Variants in ALOXE3 observed in about 807,000 individuals in gnomAD.
ALOXE3 encodes hydroperoxide isomerase ALOXE3.
In ALOXE3, 78 loss-of-function variants were observed where a neutral mutation model predicts 87.5. The ratio of observed to expected loss-of-function variants is 0.89; its 90% CI spans 0.74 to 1.08. The LOEUF is 1.08. ALOXE3 is among the 50% of genes least tolerant of loss of function. The pLI is 0.00. For synonymous variants in ALOXE3, 363 were observed against 370.8 expected (o/e 0.98, Z 0.24); for missense variants, 946 against 912.4 (o/e 1.04, Z -0.47).
intron 8 of ALOXE3, among the ~76,000 whole-genome samples, chr17:8,111,048 G>T (rs144437358): frequency 6.6e-6 from 1 of 152,124 alleles, no homozygotes; most frequent in Non-Finnish European, 1.5e-5. Context: ...CTTTCCTCTA[G>T]GCCTCAGCAC....
upstream of ALOXE3, chr17:8,118,733 C>A: frequency 1.3e-6 from 2 of 1,537,290 alleles, no homozygotes; most frequent in South Asian, 1.2e-5. Flanking sequence ...GTCAGGAAAG[C>A]GAAATACAGC....
At chr17:8,117,446 G>A (rs1193539067) in intron 2 of ALOXE3, among the ~76,000 whole-genome samples, 1 of 152,212 alleles carries the variant, frequency 6.6e-6, no homozygotes, top group Non-Finnish European at 1.5e-5. Flanking sequence ...AGGTGCCCGA[G>A]CACAGTGGGC....
Position 8,115,065 on chromosome 17 carries a change from G to A in ALOXE3, c.435-8C>T. 1 of 1,614,152 alleles carries A rather than the reference G, an allele frequency of 6.2e-7. No individual in the cohort carries two copies. Among genetic ancestry groups the A allele is most frequent in the South Asian group, 1.1e-5 (1 of 91,076 alleles). On this transcript the variant is annotated splice_polypyrimidine_tract_variant and splice_region_variant and intron_variant, in intron 4 of 15. Transcript: ENST00000448843. ...GGGGCATAGATCTTCCAGCTTCCGA[G>A]GGAAAGAGGTCAGAGGTGGCAGGTC...
At chr17:8,109,579 G>A (rs1452213947) in intron 11 of ALOXE3, among the ~76,000 whole-genome samples, 3 of 152,138 alleles carry the variant, frequency 2.0e-5, no homozygotes, top group Non-Finnish European at 2.9e-5. Context: ...ACTGAAAGCC[G>A]GGGAGCCTGG....
At chr17:8,110,066 C>G in intron 10 of ALOXE3, 26 bp downstream of exon 10, 1 of 1,596,700 alleles carries the variant, frequency 6.3e-7, no homozygotes, top group Non-Finnish European at 8.5e-7. Context: ...CCCTGCCCCG[C>G]TGGGCCCCCA....
At chr17:8,116,550 A>G (rs984886245) in intron 3 of ALOXE3, among the ~76,000 whole-genome samples, 3 of 152,196 alleles carry the variant, frequency 2.0e-5, no homozygotes, top group Non-Finnish European at 2.9e-5. Flanking sequence ...GTGCCTGCCT[A>G]TATGAGTGTA....
chr17:8,099,577 C>T (rs188499931), intron 15 of ALOXE3, among the ~76,000 whole-genome samples: 9 of 151,792 alleles, frequency 5.9e-5, no homozygotes, highest in Admixed American at 5.9e-4. Context: ...AGGAAAATTG[C>T]TTGAACCCGG....
At chr17:8,110,928 G>GC (rs1245249054) in intron 8 of ALOXE3, among the ~76,000 whole-genome samples, 2 of 152,184 alleles carry the variant, frequency 1.3e-5, no homozygotes, top group Admixed American at 1.3e-4. Context: ...GGGCTTGACT[G>GC]CCCCAAAAAG....
chr17:8,112,257 G>A, intron 6 of ALOXE3, 61 bp from the exon 7 acceptor site: 1 of 1,301,276 alleles, frequency 7.7e-7, no homozygotes, highest in South Asian at 1.2e-5. Flanking sequence ...GGGAATCACT[G>A]TGTGCCCCTC....
At chr17:8,104,088 C>T in intron 14 of ALOXE3, 27 bp downstream of exon 14, 2 of 1,602,420 alleles carry the variant, frequency 1.2e-6, no homozygotes, top group Non-Finnish European at 8.5e-7. Flanking sequence ...GACCTGATGT[C>T]CCCAGGCCTG....
At chr17:8,117,737 C>T (rs1465054598) in intron 2 of ALOXE3, 107 bp downstream of exon 2, 1 of 1,536,498 alleles carries the variant, frequency 6.5e-7, no homozygotes, top group African/African-American at 1.4e-5. Context: ...GAGGTCAGGG[C>T]CGGTATCCTG....
At chr17:8,098,234 GTT>G (rs71159546) in intron 15 of ALOXE3, among the ~76,000 whole-genome samples, 1 of 87,482 alleles carries the variant, frequency 1.1e-5, no homozygotes, top group Non-Finnish European at 2.2e-5. Flanking sequence ...TTTGGTTTTT[GTT>G]TTTTTTTTTT....
intron 2 of ALOXE3, among the ~76,000 whole-genome samples, chr17:8,117,346 G>A (rs1568006208): frequency 6.6e-6 from 1 of 152,226 alleles, no homozygotes; most frequent in Non-Finnish European, 1.5e-5. Flanking sequence ...CTTAAACCCG[G>A]GAGGTGGAGG....
chr17:8,115,806 A>T, intron 3 of ALOXE3, 118 bp from the exon 4 acceptor site: 12 of 1,000,968 alleles, frequency 1.2e-5, no homozygotes, highest in Non-Finnish European at 1.9e-5. Context: ...CCTGTGAAAC[A>T]CGTGGCGGTG....
rs1425826050 is a variant in ALOXE3 at position 8,104,197 on chromosome 17, C to T, written c.1703G>A (p.Cys568Tyr). 10 of 1,613,864 alleles carry T rather than the reference C, an allele frequency of 6.2e-6. No individual in the cohort carries two copies. The highest frequency in any genetic ancestry group is 2.2e-5 in the South Asian group (2 of 91,068). ...GAACTTCACCATCTCTCCTGGGGTG[C>T]ACAGCCGGCTTGGGAAACCTGGGTG... is the stretch of plus-strand genomic sequence containing the variant. ...RESSGFPSRL[C>Y]TPGEMVKFLT... The change falls in exon 14 of 16, where the codon TGC becomes TAC. Residue 568 changes from cysteine (C) to tyrosine (Y), a missense_variant. Cys to Tyr is a radical substitution (Grantham distance 194). Transcript: ENST00000448843.
In ALOXE3 at chr17:8,107,922, AAAG is replaced by A. The variant is rs1567996512; in HGVS notation, c.1684+543_1684+545del. On this transcript the variant is annotated intron_variant, in intron 13 of 15. Coordinates refer to ENST00000448843, the MANE Select transcript of ALOXE3 (RefSeq NM_021628.3). ...GAAAGAAAGAAAGAAAGAAAGAAAG[AAAG>A]AAAGAAAGAAAGAAAGAAAGAAAGA... Among the ~76,000 whole-genome samples, 39 of 6,632 alleles carry A rather than the reference AAAG, an allele frequency of 5.9e-3. 10 individuals carry two copies. Among genetic ancestry groups the A allele is most frequent in the Admixed American group, 0.022 (18 of 818 alleles). 4.4% of individuals were successfully genotyped at this position (6,632 alleles called of 152,430 possible). A position where few individuals can be genotyped will look rare whatever the true frequency, so the allele number is the denominator to read the frequency against.
chr17:8,101,980 A>T (rs1156686155), intron 15 of ALOXE3, among the ~76,000 whole-genome samples: 1 of 152,212 alleles, frequency 6.6e-6, no homozygotes, highest in Non-Finnish European at 1.5e-5. Context: ...GTCAAGCGTG[A>T]GAAATAAGAA....
At chr17:8,114,717 C>T in intron 5 of ALOXE3, 108 bp from the exon 6 acceptor site, 1 of 1,523,788 alleles carries the variant, frequency 6.6e-7, no homozygotes, top group Non-Finnish European at 9.0e-7. Context: ...GTCTCTCTTA[C>T]TCCCGGCTCC....
At position 8,111,236 on chromosome 17, in the gene ALOXE3, G is replaced by A. The variant is rs1334289864; in HGVS notation, c.957+123C>T. The A allele has an allele frequency of 2.3e-5, 28 of 1,227,562 alleles. No individual in the cohort carries two copies. The Middle Eastern group carries it at 1.1e-3, about 46-fold the overall frequency. 76.0% of individuals were successfully genotyped at this position (1,227,562 alleles called of 1,614,324 possible). A position where few individuals can be genotyped will look rare whatever the true frequency, so the allele number is the denominator to read the frequency against. On this transcript the variant is annotated intron_variant, in intron 8 of 15. Transcript: ENST00000448843. ...TGTGCAGGACCATGGCTGCCCAGAG[G>A]ATGAGGCCCACAGGTGAAATGCAGC...
Sources: allele counts gnomAD v4.1 joint callset (sites outside exome capture counted in the v4.1 genomes callset), GRCh38; gene constraint gnomAD v4.1.1; transcripts MANE v1.5; gene names NCBI Gene and HGNC (gene_info 2026-07-23, HGNC 2026-07-21).